Variants in PI4KB observed in about 807,000 individuals in gnomAD.
PI4KB encodes the protein phosphatidylinositol 4-kinase beta.
PI4KB carries 23 observed loss-of-function variants against 81.4 expected under a neutral mutation model. The ratio of observed to expected loss-of-function variants is 0.28; its 90% confidence interval spans 0.20 to 0.40. The LOEUF is 0.40. Among genes scored for constraint, PI4KB ranks in the 10% least tolerant of loss-of-function variants. The pLI, the probability that PI4KB is intolerant of heterozygous loss-of-function variation, is 1.00. For synonymous variants in PI4KB, 381 were observed against 406.8 expected (o/e 0.94, Z 0.76); for missense variants, 651 against 1,036.6 (o/e 0.63, Z 5.11).
chr1:151,302,995 G>GTTTT lies in PI4KB; in HGVS notation c.1520+542_1520+545dup, dbSNP rs775167343. Among the ~76,000 whole-genome samples, 886 of 107,124 alleles carry GTTTT rather than the reference G, an allele frequency of 8.3e-3. 12 individuals are homozygous for GTTTT. Among genetic ancestry groups the GTTTT allele is most frequent in the Non-Finnish European group, 0.014 (706 of 51,828 alleles). The allele number at this position is 107,124 out of a possible 152,430, so 70.3% of individuals were successfully genotyped here. ...AAACTCCTTCCTCTGGTGCTTTCTT[G>GTTTT]TTTTTTTTTTTTTTTTTTTTTGAGA... On this transcript the variant is annotated intron_variant, in intron 6 of 11. Coordinates refer to ENST00000368873, the MANE Select transcript of PI4KB (RefSeq NM_001369623.2).
At position 151,292,848 on chromosome 1, in the gene PI4KB, C is replaced by T. The variant is rs200780369; in HGVS notation, c.*4G>A. 41 of 1,613,460 alleles carry T rather than the reference C, an allele frequency of 2.5e-5. No individual in the cohort carries two copies. The East Asian group carries it at 6.5e-4, about 25-fold the overall frequency. On this transcript the variant is annotated 3_prime_UTR_variant, in exon 12 of 12. Transcript: ENST00000368873. ...CCCCCACCACTCCTGGGCTGAGGAG[C>T]GTGTCACATGATGCCGTTGGTGAGG... is the stretch of plus-strand genomic sequence containing the variant.
At chr1:151,298,713 G>T in intron 9 of PI4KB, 95 bp downstream of exon 9, 2 of 1,267,150 alleles carry the variant, frequency 1.6e-6, no homozygotes, top group Non-Finnish European at 2.2e-6. Flanking sequence ...TCACATCTTT[G>T]CCATGGAGGG....
At chr1:151,322,605 G>A (rs531350700) in intron 1 of PI4KB, among the ~76,000 whole-genome samples, 2 of 152,228 alleles carry the variant, frequency 1.3e-5, no homozygotes, top group African/African-American at 4.8e-5. Context: ...ATATTTTTAT[G>A]TTCTTATATT....
At chr1:151,313,362 AT>A (rs1557805313) in intron 2 of PI4KB, among the ~76,000 whole-genome samples, 1 of 152,112 alleles carries the variant, frequency 6.6e-6, no homozygotes, top group Non-Finnish European at 1.5e-5. Context: ...TATTCACCTA[AT>A]ACCTGCCTCT....
At chr1:151,297,790 C>T (rs113537046) in intron 9 of PI4KB, among the ~76,000 whole-genome samples, 1 of 152,296 alleles carries the variant, frequency 6.6e-6, no homozygotes, top group Non-Finnish European at 1.5e-5. Context: ...CCACCCGTGT[C>T]AGCCTCCCAA....
chr1:151,315,501 G>T, intron 2 of PI4KB, 72 bp downstream of exon 2: 1 of 953,546 alleles, frequency 1.0e-6, no homozygotes, highest in Non-Finnish European at 1.7e-6. Context: ...AACCCTGTGT[G>T]TATATAGGAG....
At chr1:151,308,528 A>G (rs1695973088) in intron 3 of PI4KB, among the ~76,000 whole-genome samples, 3 of 152,284 alleles carry the variant, frequency 2.0e-5, no homozygotes, top group Admixed American at 2.0e-4. Flanking sequence ...ATGGCCCTGA[A>G]GGCCTGTCTC....
At chr1:151,299,290 G>T (rs1033559875) in intron 8 of PI4KB, among the ~76,000 whole-genome samples, 2 of 152,100 alleles carry the variant, frequency 1.3e-5, no homozygotes, top group African/African-American at 4.8e-5. Context: ...TGTGGGAAAA[G>T]GTATCACCTA....
At chr1:151,296,934 C>T (rs1443542216) in intron 9 of PI4KB, among the ~76,000 whole-genome samples, 1 of 152,050 alleles carries the variant, frequency 6.6e-6, no homozygotes, top group Non-Finnish European at 1.5e-5. Context: ...CGCCACCACG[C>T]CTGGTGAATT....
intron 1 of PI4KB, among the ~76,000 whole-genome samples, chr1:151,323,722 T>TCAAA (rs367868681): frequency 1.3e-5 from 2 of 151,732 alleles, no homozygotes; most frequent in Non-Finnish European, 2.9e-5. Flanking sequence ...AGACTCCATC[T>TCAAA]CAAACAAACA....
chr1:151,293,417 G>A (rs948667824), intron 11 of PI4KB: 17 of 1,273,700 alleles, frequency 1.3e-5, no homozygotes, highest in Middle Eastern at 2.2e-4. Flanking sequence ...CTGGGCCACC[G>A]TCATCATGGG....
At position 151,292,864 on chromosome 1, in the gene PI4KB, G is replaced by A. The variant is rs765415391; in HGVS notation, c.2439C>T (p.Asn813=). The A allele has an allele frequency of 1.2e-5, 19 of 1,614,038 alleles. No homozygotes were observed. The highest frequency in any genetic ancestry group is 8.3e-5 in the Admixed American group (5 of 60,016). Residue 813 remains asparagine, a synonymous_variant, in exon 12 of 12, where the codon AAC becomes AAT. Transcript: ENST00000368873. ...KLYDGFQYLT[N]GIM ...GCTGAGGAGCGTGTCACATGATGCCGTTGGTGAGGTACTGGAAGCCGTCAT... is the reference window on the plus strand; with the variant it reads ...GCTGAGGAGCGTGTCACATGATGCCATTGGTGAGGTACTGGAAGCCGTCAT...
chr1:151,325,201 C>T (rs570014076), intron 1 of PI4KB, among the ~76,000 whole-genome samples: 6 of 152,044 alleles, frequency 3.9e-5, no homozygotes, highest in African/African-American at 9.7e-5. Context: ...CCATGTTGGC[C>T]GGACTGGTCT....
chr1:151,311,867 T>C (rs1696259021), intron 2 of PI4KB, among the ~76,000 whole-genome samples: 1 of 152,212 alleles, frequency 6.6e-6, no homozygotes, highest in Non-Finnish European at 1.5e-5. Flanking sequence ...ATGCGGCAGA[T>C]TTCTCTGTAC....
chr1:151,325,614 G>A (rs971166179), intron 1 of PI4KB, among the ~76,000 whole-genome samples: 2 of 152,176 alleles, frequency 1.3e-5, no homozygotes, highest in Non-Finnish European at 2.9e-5. Context: ...GCCACTTAAT[G>A]CACTGGGGGA....
Position 151,306,261 on chromosome 1 carries a change from C to T in PI4KB, c.1285G>A (p.Val429Ile), listed in dbSNP as rs1323207915. 9 of 1,614,028 alleles carry T rather than the reference C, an allele frequency of 5.6e-6. No homozygotes were observed. The highest frequency in any genetic ancestry group is 2.2e-5 in the East Asian group (1 of 44,902). ...ATACCACATTCGGGCAAGTTTTCTACGGACCTCGTACTCCGAATTCGGTTC... is the reference window on the plus strand; with the variant it reads ...ATACCACATTCGGGCAAGTTTTCTATGGACCTCGTACTCCGAATTCGGTTC... Reference protein sequence around the residue: ...PENRIRSTRSVENLPECGITH... With the variant: ...PENRIRSTRSIENLPECGITH... Residue 429 changes from valine (V) to isoleucine (I), a missense_variant, in exon 5 of 12, where the codon GTA becomes ATA. By Grantham distance (29) the Val-to-Ile change is conservative. This residue lies in a region of PI4KB where 246 missense variants were observed against 430.1 expected (regional missense o/e 0.57). Transcript: ENST00000368873.
chr1:151,299,022 G>C lies in PI4KB; in HGVS notation c.1801C>G (p.Leu601Val), dbSNP rs148958963. ...ATGCCACTATCAGCCGAAATCACAA[G>C]AATCTTGTATGGCTTGATCCAAAGG... ...VPLWIKPYKI[L>V]VISADSGMIE... is the part of the protein sequence containing the mutation. Residue 601 changes from leucine (L) to valine (V), a missense_variant, in exon 9 of 12, where the codon CTT (leucine) becomes GTT (valine). Around this residue, in one of 5 missense-constraint regions of PI4KB, gnomAD observed 246 missense variants for 430.1 expected, o/e 0.57. Coordinates refer to ENST00000368873, the MANE Select transcript of PI4KB (RefSeq NM_001369623.2). The C allele has an allele frequency of 2.4e-4, 392 of 1,614,108 alleles. No homozygotes were observed. The highest frequency in any genetic ancestry group is 3.0e-4 in the Non-Finnish European group (351 of 1,179,950).
chr1:151,312,406 G>A (rs1297477094), intron 2 of PI4KB, among the ~76,000 whole-genome samples: 1 of 152,174 alleles, frequency 6.6e-6, no homozygotes, highest in East Asian at 1.9e-4. Context: ...TTAGGTCTTA[G>A]ATAATTATGT....
At chr1:151,295,719 T>C (rs1050749274) in intron 9 of PI4KB, among the ~76,000 whole-genome samples, 1 of 152,226 alleles carries the variant, frequency 6.6e-6, no homozygotes, top group Non-Finnish European at 1.5e-5. Flanking sequence ...TGAGGTACTA[T>C]GAACGGCTTA....
Sources: gnomAD v4.1 joint callset for allele counts (sites outside exome capture counted in the v4.1 genomes callset) on GRCh38, gnomAD v4.1.1 for gene constraint, gnomAD v4.1.1 regional missense constraint, MANE v1.5 for transcripts, NCBI Gene and HGNC (gene_info 2026-07-23, HGNC 2026-07-21) for gene names.